Variants in DCC observed in about 807,000 individuals in gnomAD.
DCC encodes netrin receptor DCC.
DCC carries 58 observed loss-of-function variants against 172.5 expected under a neutral mutation model. The observed-to-expected ratio is 0.34, with a 90% CI of 0.27 to 0.42. The LOEUF is 0.42. Ranked by LOEUF, DCC falls within the 10% of genes least tolerant of loss-of-function variation. The pLI, the probability that DCC is intolerant of heterozygous loss-of-function variation, is 1.00. For synonymous variants in DCC, 709 were observed against 644.5 expected, an observed-to-expected ratio of 1.10 and a Z score of -1.52; for missense variants, 1,740 against 1,791.0, an observed-to-expected ratio of 0.97 and a Z score of 0.51.
At chr18:52,638,521 C>A (rs545565639) in intron 1 of DCC, among the ~76,000 whole-genome samples, 10 of 151,870 alleles carry the variant, frequency 6.6e-5, no homozygotes, top group African/African-American at 2.2e-4. Flanking sequence ...ACACCAAAAG[C>A]GAGCTATTTT....
intron 1 of DCC, among the ~76,000 whole-genome samples, chr18:52,364,037 TG>T (rs1984736118): frequency 6.6e-6 from 1 of 152,222 alleles, no homozygotes; most frequent in Non-Finnish European, 1.5e-5. Flanking sequence ...CTAAGCAGGT[TG>T]GTGTTCCTTG....
chr18:53,043,409 C>T (rs1403139485), intron 5 of DCC, among the ~76,000 whole-genome samples: 1 of 151,726 alleles, frequency 6.6e-6, no homozygotes, highest in Non-Finnish European at 1.5e-5. Context: ...ACATGTATAC[C>T]TATGTAACAA....
chr18:52,428,020 T>G (rs1376220152), intron 1 of DCC, among the ~76,000 whole-genome samples: 1 of 152,068 alleles, frequency 6.6e-6, no homozygotes, highest in African/African-American at 2.4e-5. Context: ...TGTCTTGGCT[T>G]CGTGGCTCAT....
intron 3 of DCC, among the ~76,000 whole-genome samples, chr18:52,907,345 TATC>T (rs1478951291): frequency 1.8e-4 from 27 of 150,732 alleles, no homozygotes; most frequent in African/African-American, 2.4e-5. Flanking sequence ...TATATACATA[TATC>T]ATGTATATAT....
At chr18:52,805,427 A>C (rs2038067620) in intron 2 of DCC, among the ~76,000 whole-genome samples, 1 of 152,188 alleles carries the variant, frequency 6.6e-6, no homozygotes, top group African/African-American at 2.4e-5. Context: ...GATAAAAAAA[A>C]TTATATGAAT....
chr18:53,459,259 A>G lies in DCC; in HGVS notation c.3420A>G (p.Lys1140=), dbSNP rs1197941353. Residue 1140 remains lysine, a synonymous_variant, in exon 24 of 29, where the codon AAA becomes AAG. Coordinates refer to ENST00000442544, the MANE Select transcript of DCC (RefSeq NM_005215.4). ...AACGGGCCACCCACAGTGCTGGCAA[A>G]AGGAAGGGCAGCCAGAAGGACCTCC... The part of the protein sequence containing the change: ...RKKRATHSAG[K]RKGSQKDLRP... The G allele has an allele frequency of 1.9e-6, 3 of 1,613,976 alleles. No homozygotes were observed. The highest frequency in any genetic ancestry group is 1.7e-5 in the Admixed American group (1 of 59,974).
intron 1 of DCC, among the ~76,000 whole-genome samples, chr18:52,349,294 G>C (rs1202126469): frequency 6.6e-6 from 1 of 152,170 alleles, no homozygotes; most frequent in South Asian, 2.1e-4. Flanking sequence ...GGCCTCTGTA[G>C]TGTGTTGCCT....
chr18:53,031,249 ACT>A, intron 5 of DCC, among the ~76,000 whole-genome samples: 1 of 152,062 alleles, frequency 6.6e-6, no homozygotes, highest in South Asian at 2.1e-4. Flanking sequence ...ACAGAGCAAA[ACT>A]CTCTCTCAAT....
intron 23 of DCC, 54 bp downstream of exon 23, chr18:53,450,716 AT>A: frequency 7.2e-7 from 1 of 1,387,060 alleles, no homozygotes; most frequent in South Asian, 1.2e-5. Flanking sequence ...TTGGGGTTAT[AT>A]TTTTGATGGT....
At chr18:52,613,375 C>A (rs1412521793) in intron 1 of DCC, among the ~76,000 whole-genome samples, 1 of 152,140 alleles carries the variant, frequency 6.6e-6, no homozygotes, top group Non-Finnish European at 1.5e-5. Flanking sequence ...CCTGCCTCAG[C>A]CTCCCGAGTA....
chr18:53,215,928 AATG>A, intron 12 of DCC, among the ~76,000 whole-genome samples: 1 of 152,222 alleles, frequency 6.6e-6, no homozygotes, highest in Non-Finnish European at 1.5e-5. Context: ...ATCATATAGC[AATG>A]ATGATGTGCT....
At chr18:53,472,459 A>G (rs1308224143) in intron 25 of DCC, among the ~76,000 whole-genome samples, 1 of 151,740 alleles carries the variant, frequency 6.6e-6, no homozygotes, top group Non-Finnish European at 1.5e-5. Context: ...CTCTAGTTGC[A>G]CTCCTCTTGT....
At chr18:52,995,541 A>AT (rs2041464482) in intron 5 of DCC, among the ~76,000 whole-genome samples, 2 of 150,284 alleles carry the variant, frequency 1.3e-5, no homozygotes, top group Admixed American at 1.3e-4. Context: ...TATTTCTTCC[A>AT]TTTTCTGGCT....
intron 27 of DCC, among the ~76,000 whole-genome samples, chr18:53,517,526 T>C (rs1222286326): frequency 6.6e-6 from 1 of 151,612 alleles, no homozygotes; most frequent in East Asian, 1.9e-4. Context: ...CCCAAGCAGG[T>C]TTAAAAACTT....
rs1214663200 is a variant in DCC at position 53,356,598 on chromosome 18, G to A, written c.2359+16691G>A. Among the ~76,000 whole-genome samples, 3 of 152,216 alleles carry A rather than the reference G, an allele frequency of 2.0e-5. No individual in the cohort carries two copies. In the South Asian group the frequency reaches 6.2e-4, roughly 32 times the overall value. The stretch of plus-strand genomic sequence containing the variant: ...CTATGAGTTACATGGTTGTCCATCT[G>A]GCCGGATGGAGTCCTGACTCAGCAC... On this transcript the variant is annotated intron_variant, in intron 15 of 28. Coordinates refer to ENST00000442544, the MANE Select transcript of DCC (RefSeq NM_005215.4).
intron 7 of DCC, among the ~76,000 whole-genome samples, chr18:53,149,778 T>C (rs2043971477): frequency 6.6e-6 from 1 of 152,220 alleles, no homozygotes; most frequent in Non-Finnish European, 1.5e-5. Flanking sequence ...ATAGTTATCG[T>C]TGCTGAGATG....
intron 5 of DCC, among the ~76,000 whole-genome samples, chr18:53,038,871 A>T (rs931155254): frequency 5.3e-5 from 8 of 151,862 alleles, no homozygotes; most frequent in African/African-American, 1.9e-4. Context: ...TGAAGCCAGG[A>T]CTATTCCTTG....
intron 2 of DCC, among the ~76,000 whole-genome samples, chr18:52,764,513 T>C (rs1022103767): frequency 6.6e-6 from 1 of 152,214 alleles, no homozygotes; most frequent in African/African-American, 2.4e-5. Context: ...GCTTTATTAG[T>C]TCCCAGGAGA....
chr18:53,041,715 G>A (rs2042171251), intron 5 of DCC, among the ~76,000 whole-genome samples: 1 of 152,020 alleles, frequency 6.6e-6, no homozygotes, highest in African/African-American at 2.4e-5. Flanking sequence ...AGTTCTCCTT[G>A]AAGAGGTCCT....
Sources: gnomAD v4.1 joint callset for allele counts (sites outside exome capture counted in the v4.1 genomes callset) on GRCh38, gnomAD v4.1.1 for gene constraint, MANE v1.5 for transcripts, NCBI Gene and HGNC (gene_info 2026-07-23, HGNC 2026-07-21) for gene names.